COX7A2L: variants seen among roughly 807,000 people sequenced by gnomAD.
COX7A2L encodes cytochrome c oxidase subunit 7A2-like, mitochondrial.
Under a neutral mutation model 14.2 loss-of-function variants are expected in COX7A2L, and 18 were observed. That is an observed-to-expected ratio of 1.27 (90% CI 0.88 to 1.88). The LOEUF (loss-of-function observed/expected upper bound fraction) is 1.88. Among genes scored for constraint, COX7A2L ranks in the 40% most tolerant of loss-of-function variants. The pLI is 0.00. For synonymous variants in COX7A2L, 65 were observed against 57.4 expected (o/e 1.13, Z -0.60); for missense variants, 179 against 138.8 (o/e 1.29, Z -1.46).
At chr2:42,353,680 T>C (rs1203010706) in intron 1 of COX7A2L, among the ~76,000 whole-genome samples, 1 of 152,152 alleles carries the variant, frequency 6.6e-6, no homozygotes, top group Non-Finnish European at 1.5e-5. Context: ...TCTAGTAACA[T>C]GGAATGTCTA....
downstream of COX7A2L, among the ~76,000 whole-genome samples, chr2:42,348,930 A>G (rs1670554777): frequency 6.6e-6 from 1 of 152,188 alleles, no homozygotes; most frequent in African/African-American, 2.4e-5. Context: ...AGAAAAAAAA[A>G]AGTGACAACA....
rs1411872771 is a variant in COX7A2L at position 42,339,623 on chromosome 2, A to G, written c.193-5754T>C. ...TCCTGCCTTGCTTTCCTCCTTTCTT[A>G]TTTTTAACACTTTTTAAATTTATTA... On this transcript the variant is annotated intron_variant, in intron 2 of 2. Coordinates refer to the COX7A2L transcript ENST00000468711. This position sits in a 1 kb window ranked among gnomAD's most constrained non-coding sequence, Gnocchi z 5.4. 6.6e-6 allele frequency among the ~76,000 whole-genome samples: 1 copy of G among 151,080 alleles called. No homozygotes were observed. The highest frequency in any genetic ancestry group is 2.4e-5 in the African/African-American group (1 of 40,958).
chr2:42,357,628 G>C (rs934511935), intron 1 of COX7A2L, among the ~76,000 whole-genome samples: 1 of 151,866 alleles, frequency 6.6e-6, no homozygotes, highest in Non-Finnish European at 1.5e-5. Context: ...TATTTCTAAC[G>C]GTAAGCTAGA....
chr2:42,351,374 T>G lies in COX7A2L; in HGVS notation c.205-15A>C. The G allele has an allele frequency of 4.3e-6, 7 of 1,611,712 alleles. No homozygotes were observed. Among genetic ancestry groups the G allele is most frequent in the Non-Finnish European group, 5.9e-6 (7 of 1,179,250 alleles). ...CCATCAGCTTTCTTGAAAGCAAGAATTAACAAGGGCATGGTTGAGAAGAAA... is the reference window on the plus strand; with the variant it reads ...CCATCAGCTTTCTTGAAAGCAAGAAGTAACAAGGGCATGGTTGAGAAGAAA... On this transcript the variant is annotated splice_polypyrimidine_tract_variant and intron_variant, in intron 2 of 2. Coordinates refer to ENST00000234301, the MANE Select transcript of COX7A2L (RefSeq NM_004718.4).
At position 42,351,081 on chromosome 2, in the gene COX7A2L, A is replaced by C. The variant is rs1558630861; in HGVS notation, c.*138T>G. Reference sequence around the variant, plus strand: ...ATATGCATTTCATAAACAAACCAAAACATCATCTTCATATCTTCCTATTTT... The same window carrying C: ...ATATGCATTTCATAAACAAACCAAACCATCATCTTCATATCTTCCTATTTT... On this transcript the variant is annotated 3_prime_UTR_variant, in exon 3 of 3. Transcript: ENST00000234301. The C allele has an allele frequency of 1.0e-6, 1 of 974,990 alleles. No homozygotes were observed. Among genetic ancestry groups the C allele is most frequent in the Non-Finnish European group, 1.5e-6 (1 of 681,156 alleles). The allele number at this position is 974,990 out of a possible 1,614,324, so 60.4% of individuals were successfully genotyped here.
Position 42,351,008 on chromosome 2 carries a change from C to T in COX7A2L, c.*211G>A, listed in dbSNP as rs1670623389. ...GGAGCACAAACACAGAGCAAAGCAC[C>T]ATTTCTTTAAACAATGGCTTTAACT... On this transcript the variant is annotated 3_prime_UTR_variant, in exon 3 of 3. Transcript: ENST00000234301. 6 of 487,544 alleles carry T rather than the reference C, an allele frequency of 1.2e-5. No individual in the cohort carries two copies. In the East Asian group the frequency reaches 1.4e-4, roughly 12 times the overall value. The allele number at this position is 487,544 out of a possible 1,614,324, so 30.2% of individuals were successfully genotyped here.
chr2:42,361,550 G>A (rs1168810740), upstream of COX7A2L: 3 of 170,190 alleles, frequency 1.8e-5, no homozygotes, highest in Non-Finnish European at 3.9e-5. Context: ...CATGCTTTAG[G>A]AGGGGCGGGC....
chr2:42,362,581 A>T (rs71441195), upstream of COX7A2L, among the ~76,000 whole-genome samples: 1,138 of 152,338 alleles, frequency 7.5e-3, 7 homozygotes, highest in Non-Finnish European at 0.012. Context: ...GTTAAGCACT[A>T]TGTTACAAAT....
intron 1 of COX7A2L, among the ~76,000 whole-genome samples, chr2:42,357,287 C>A (rs1670852831): frequency 6.6e-6 from 1 of 152,118 alleles, no homozygotes; most frequent in Non-Finnish European, 1.5e-5. Flanking sequence ...TTTCAATCTG[C>A]AGTGACTCAA....
chr2:42,357,249 T>G (rs1670851121), intron 1 of COX7A2L, among the ~76,000 whole-genome samples: 1 of 152,200 alleles, frequency 6.6e-6, no homozygotes, highest in Non-Finnish European at 1.5e-5. Context: ...TATGAACTTT[T>G]CCACTGTGAT....
chr2:42,337,915 G>A (rs1332947518), intron 2 of COX7A2L, among the ~76,000 whole-genome samples: 1 of 152,178 alleles, frequency 6.6e-6, no homozygotes, highest in Non-Finnish European at 1.5e-5. Flanking sequence ...GGGACCAAGC[G>A]GTGCCCACTG....
chr2:42,347,695 G>A (rs542907087), downstream of COX7A2L, among the ~76,000 whole-genome samples: 89 of 152,288 alleles, frequency 5.8e-4, no homozygotes, highest in African/African-American at 2.0e-3. Flanking sequence ...GCCAAGGCAC[G>A]TGGATCACCT....
At chr2:42,353,364 A>T (rs1467785493) in intron 1 of COX7A2L, 21 bp from the exon 2 acceptor site, 1 of 1,611,654 alleles carries the variant, frequency 6.2e-7, no homozygotes, top group Non-Finnish European at 8.5e-7. Flanking sequence ...AAAAAGGAAA[A>T]TGGCAAGTTG....
chr2:42,363,939 C>T (rs553860755), upstream of COX7A2L, among the ~76,000 whole-genome samples: 6 of 152,182 alleles, frequency 3.9e-5, no homozygotes, highest in South Asian at 8.3e-4. Flanking sequence ...TCTGGCAGGC[C>T]GCTCTGTGAA....
At position 42,356,537 on chromosome 2, in the gene COX7A2L, G is replaced by C. The variant is rs189115107; in HGVS notation, c.73-3194C>G. Among the ~76,000 whole-genome samples, 43 of 152,340 alleles carry C rather than the reference G, an allele frequency of 2.8e-4. No homozygotes were observed. The East Asian group carries it at 4.2e-3, about 15-fold the overall frequency. On this transcript the variant is annotated intron_variant, in intron 1 of 2. Coordinates refer to ENST00000234301, the MANE Select transcript of COX7A2L (RefSeq NM_004718.4). ...GGCTATAGCTTCACAGTGTAGGTTT[G>C]AGTATCTCAGAAACAAAGTCTGATC...
chr2:42,351,421 TA>T, intron 2 of COX7A2L, 62 bp from the exon 3 acceptor site: 2 of 1,586,160 alleles, frequency 1.3e-6, no homozygotes, highest in East Asian at 2.3e-5. Flanking sequence ...ATTTTACTCT[TA>T]AAAAATAACA....
rs1006798539 is a variant in COX7A2L at position 42,342,402 on chromosome 2, G to A, written c.193-8533C>T. 8.5e-5 allele frequency among the ~76,000 whole-genome samples: 13 copies of A among 152,084 alleles called. No homozygotes were observed. The highest frequency in any genetic ancestry group is 3.1e-4 in the African/African-American group (13 of 41,408). On this transcript the variant is annotated intron_variant, in intron 2 of 2. Coordinates refer to the COX7A2L transcript ENST00000468711. This position sits in a 1 kb window ranked among gnomAD's most constrained non-coding sequence, Gnocchi z 4.9. ...CACCCACTTATTCCTTGGCCCTTCA[G>A]GCAGGCACCAGGTACGGCCCACACA...
At chr2:42,337,369 TCTACA>T (rs1365966322) in intron 2 of COX7A2L, among the ~76,000 whole-genome samples, 1 of 151,960 alleles carries the variant, frequency 6.6e-6, no homozygotes, top group African/African-American at 2.4e-5. Context: ...ATCTCAAAAC[TCTACA>T]AACTGCATCC....
In COX7A2L at chr2:42,342,828, G is replaced by C. The variant is rs1316330416; in HGVS notation, c.193-8959C>G. Among the ~76,000 whole-genome samples, 1 of 152,114 alleles carries C rather than the reference G, an allele frequency of 6.6e-6. No individual in the cohort carries two copies. Among genetic ancestry groups the C allele is most frequent in the Non-Finnish European group, 1.5e-5 (1 of 68,024 alleles). ...TCGGGTTTTGCAGCAGACTTCCCCT[G>C]GGAAGTCAGCTCCAGCAGTCTTGGG... is the stretch of plus-strand genomic sequence containing the variant. On this transcript the variant is annotated intron_variant, in intron 2 of 2. Transcript: ENST00000468711. The surrounding 1 kb of genome is among the most constrained non-coding windows in gnomAD (Gnocchi z 4.9).
Sources: allele counts gnomAD v4.1 joint callset (sites outside exome capture counted in the v4.1 genomes callset), GRCh38; gene constraint gnomAD v4.1.1; non-coding constraint Gnocchi (gnomAD v3.1); transcripts MANE v1.5; gene names NCBI Gene and HGNC (gene_info 2026-07-23, HGNC 2026-07-21).